The following PES1 variants were observed in gnomAD, a reference collection of about 807,000 sequenced individuals.
PES1 encodes the protein pescadillo ribosomal biogenesis factor 1, also known as pescadillo homolog.
Under a neutral mutation model 77.1 loss-of-function variants are expected in PES1, and 31 were observed. The observed-to-expected ratio is 0.40, with a 90% confidence interval of 0.30 to 0.54. The LOEUF is 0.54. Ranked by LOEUF, PES1 falls within the 20% of genes least tolerant of loss-of-function variation. PES1 has a pLI of 0.45. For synonymous variants in PES1, 282 were observed against 303.0 expected (o/e 0.93, Z 0.72); for missense variants, 658 against 771.7 (o/e 0.85, Z 1.75).
intron 9 of PES1, 27 bp from the exon 10 acceptor site, chr22:30,580,728 A>G (rs2086971375): frequency 1.2e-6 from 2 of 1,611,692 alleles, no homozygotes; most frequent in Non-Finnish European, 1.7e-6. Flanking sequence ...CAGGCCTCGC[A>G]CCACCAGGGC....
chr22:30,580,804 G>A, intron 9 of PES1, 103 bp from the exon 10 acceptor site: 1 of 1,542,832 alleles, frequency 6.5e-7, no homozygotes, highest in South Asian at 1.2e-5. Flanking sequence ...CTAGATCCTG[G>A]ATCCTGCCTT....
intron 2 of PES1, among the ~76,000 whole-genome samples, chr22:30,603,350 C>T (rs534731208): frequency 2.0e-4 from 30 of 151,984 alleles, no homozygotes; most frequent in Non-Finnish European, 5.9e-5. Flanking sequence ...CCTCCTCTTC[C>T]TCCTTTTCTT....
At chr22:30,583,878 G>A (rs2087024508) in intron 6 of PES1, among the ~76,000 whole-genome samples, 2 of 152,280 alleles carry the variant, frequency 1.3e-5, no homozygotes, top group South Asian at 2.1e-4. Flanking sequence ...AGAGAGGCAG[G>A]AAGGGGGAAG....
chr22:30,600,905 G>A (rs1569032880), intron 2 of PES1, among the ~76,000 whole-genome samples: 2 of 152,136 alleles, frequency 1.3e-5, no homozygotes, highest in Admixed American at 1.3e-4. Flanking sequence ...GAATAGTAGG[G>A]GTATGGAAAG....
chr22:30,580,215 C>G (rs1374624758), intron 10 of PES1, 37 bp from the exon 11 acceptor site: 4 of 1,580,742 alleles, frequency 2.5e-6, no homozygotes, highest in Non-Finnish European at 3.4e-6. Context: ...GGTACACAGA[C>G]ATGAGCTGCC....
chr22:30,590,455 T>C (rs1346965584), intron 1 of PES1, among the ~76,000 whole-genome samples: 1 of 152,190 alleles, frequency 6.6e-6, no homozygotes, highest in African/African-American at 2.4e-5. Flanking sequence ...TACCCTTCAT[T>C]CATTCTTTCC....
intron 12 of PES1, chr22:30,579,537 A>G (rs958619092): frequency 1.3e-5 from 9 of 705,114 alleles, no homozygotes; most frequent in Non-Finnish European, 2.1e-5. Context: ...TCTGATGACA[A>G]TGCAGCATGT....
intron 12 of PES1, 166 bp downstream of exon 12, chr22:30,579,585 G>A (rs1338819843): frequency 9.9e-6 from 7 of 707,402 alleles, no homozygotes; most frequent in Non-Finnish European, 1.7e-5. Flanking sequence ...AATAACACCT[G>A]ACCCCAGGAG....
intron 1 of PES1, 37 bp downstream of exon 1, chr22:30,591,773 C>G (rs2087180879): frequency 1.9e-6 from 3 of 1,551,950 alleles, no homozygotes; most frequent in Non-Finnish European, 8.7e-7. Context: ...CCCCCGCACC[C>G]CACCCCTCGG....
upstream of PES1, among the ~76,000 whole-genome samples, chr22:30,596,025 G>C (rs1390362144): frequency 6.6e-6 from 1 of 152,100 alleles, no homozygotes; most frequent in African/African-American, 2.4e-5. Flanking sequence ...TAGCTTTTTT[G>C]GGACGCTAGC....
At chr22:30,589,025 T>C (rs922341354) in intron 2 of PES1, among the ~76,000 whole-genome samples, 166 bp downstream of exon 2, 1 of 147,132 alleles carries the variant, frequency 6.8e-6, no homozygotes, top group African/African-American at 2.4e-5. Flanking sequence ...CCATTTTCCC[T>C]TGGACCACAC....
chr22:30,591,984 A>G (rs2087188291), upstream of PES1: 9 of 1,381,430 alleles, frequency 6.5e-6, no homozygotes, highest in Non-Finnish European at 8.4e-6. Flanking sequence ...AAGTCCAGGG[A>G]AAGATGGGGA....
intron 4 of PES1, chr22:30,585,198 G>T (rs749662926): frequency 4.3e-6 from 2 of 463,690 alleles, no homozygotes; most frequent in East Asian, 1.4e-4. Context: ...CCGGTCGCCA[G>T]CGTAGGTTAT....
Position 30,579,935 on chromosome 22 carries a change from C to G in PES1, c.1170G>C (p.Arg390Ser). ...RPGQQTSVIG[R>S]CYVQPQWVFD... ...ACACCCACTGGGGCTGCACGTAGCACCTGGCGCAGAGTGGCAGGCAAAAAC... is the reference window on the plus strand; with the variant it reads ...ACACCCACTGGGGCTGCACGTAGCAGCTGGCGCAGAGTGGCAGGCAAAAAC... Residue 390 changes from arginine (R) to serine (S), a missense_variant and splice_region_variant, in exon 12 of 15, where the codon AGG (arginine) becomes AGC (serine). Transcript: ENST00000354694. 1 of 1,613,238 alleles carries G rather than the reference C, an allele frequency of 6.2e-7. No homozygotes were observed. Among genetic ancestry groups the G allele is most frequent in the Non-Finnish European group, 8.5e-7 (1 of 1,179,294 alleles).
At chr22:30,600,333 CA>C (rs1193017350) in intron 2 of PES1, among the ~76,000 whole-genome samples, 2 of 152,156 alleles carry the variant, frequency 1.3e-5, no homozygotes, top group East Asian at 3.9e-4. Flanking sequence ...CTTCAGACTT[CA>C]GGGGGTAGGT....
rs150802010 is a variant in PES1 at position 30,589,233 on chromosome 22, T to C, written c.62A>G (p.Asn21Ser). 1.9e-6 allele frequency: 3 copies of C among 1,614,072 alleles called. No individual in the cohort carries two copies. Among genetic ancestry groups the C allele is most frequent in the African/African-American group, 1.3e-5 (1 of 75,050 alleles). Residue 21 changes from asparagine to serine, a missense_variant, in exon 2 of 15, where the codon AAC becomes AGC. Transcript: ENST00000354694. ...RGSATNYITR[N>S]KARKKLQLSL... The stretch of plus-strand genomic sequence containing the variant: ...CAGCTGGAGCTTCTTCCGGGCTTTG[T>C]TCCGGGTGATGTAGTTGGTGGCCGA...
rs142214789 is a variant in PES1 at position 30,581,589 on chromosome 22, G to A, written c.686C>T (p.Thr229Met). 7.1e-4 allele frequency: 1,141 copies of A among 1,613,860 alleles called. 8 individuals are homozygous for A. The East Asian group carries it at 0.017, about 23-fold the overall frequency. The change falls in exon 7 of 15, where the codon ACG (threonine) becomes ATG (methionine). Residue 229 changes from threonine to methionine, a missense_variant. Thr to Met is a moderately conservative substitution (Grantham distance 81, BLOSUM62 -1). Transcript: ENST00000354694. ...GCGGAAGTTGACAAAGCCCAGCAGCGTGGTGTAGAACTCGGTGAAGGTGGC... is the reference window on the plus strand; with the variant it reads ...GCGGAAGTTGACAAAGCCCAGCAGCATGGTGTAGAACTCGGTGAAGGTGGC... The part of the protein sequence containing the change: ...VMATFTEFYT[T>M]LLGFVNFRLY...
At chr22:30,595,016 A>C (rs1349769585), upstream of PES1, among the ~76,000 whole-genome samples, 1 of 152,048 alleles carries the variant, frequency 6.6e-6, no homozygotes, top group African/African-American at 2.4e-5. Context: ...CAAACAAATA[A>C]ATAAAAAGTC....
chr22:30,596,742 C>T (rs1020047722), upstream of PES1, among the ~76,000 whole-genome samples: 3 of 152,354 alleles, frequency 2.0e-5, no homozygotes, highest in East Asian at 1.9e-4. Flanking sequence ...TCCTCGGCCT[C>T]GGCGCCCATT....
Sources: gnomAD v4.1 joint callset for allele counts (sites outside exome capture counted in the v4.1 genomes callset) on GRCh38, gnomAD v4.1.1 for gene constraint, MANE v1.5 for transcripts, NCBI Gene and HGNC (gene_info 2026-07-23, HGNC 2026-07-21) for gene names.